NECAB1: variants seen among roughly 807,000 people sequenced by gnomAD.
The protein encoded by NECAB1 is N-terminal EF-hand calcium binding protein 1.
Under a neutral mutation model 57.5 loss-of-function variants are expected in NECAB1, and 29 were observed. The ratio of observed to expected loss-of-function variants is 0.50; its 90% CI spans 0.38 to 0.69. NECAB1 has a LOEUF of 0.69. Ranked by LOEUF, NECAB1 falls within the 30% of genes least tolerant of loss-of-function variation. The pLI, the probability that NECAB1 is intolerant of heterozygous loss-of-function variation, is 0.00. For synonymous variants in NECAB1, 142 were observed against 147.7 expected, an observed-to-expected ratio of 0.96 and a Z score of 0.28; for missense variants, 372 against 413.8, an observed-to-expected ratio of 0.90 and a Z score of 0.88.
chr8:90,886,887 T>C (rs1158497934), intron 5 of NECAB1, among the ~76,000 whole-genome samples: 2 of 152,212 alleles, frequency 1.3e-5, no homozygotes, highest in East Asian at 3.8e-4. Context: ...TTCAAGCTTA[T>C]TTTTATGTCT....
chr8:90,828,620 G>C (rs1812260044), intron 3 of NECAB1, among the ~76,000 whole-genome samples: 1 of 152,016 alleles, frequency 6.6e-6, no homozygotes, highest in South Asian at 2.1e-4. Context: ...CTGAGTAAAA[G>C]TAAGAGAAAT....
chr8:90,806,920 G>A (rs905677978), intron 2 of NECAB1, among the ~76,000 whole-genome samples: 1 of 152,094 alleles, frequency 6.6e-6, no homozygotes, highest in Non-Finnish European at 1.5e-5. Context: ...CTTTCTCCAG[G>A]TTACATTGTA....
chr8:90,848,218 A>G (rs2129766222), intron 3 of NECAB1, among the ~76,000 whole-genome samples: 1 of 152,366 alleles, frequency 6.6e-6, no homozygotes, highest in South Asian at 2.1e-4. Context: ...GCTAAAGCAT[A>G]ATAAGAGTCA....
At chr8:90,803,528 G>A (rs1325766366) in intron 2 of NECAB1, among the ~76,000 whole-genome samples, 4 of 152,104 alleles carry the variant, frequency 2.6e-5, no homozygotes, top group Admixed American at 1.3e-4. Flanking sequence ...AAAAAGCACT[G>A]AACAAAACAA....
intron 1 of NECAB1, among the ~76,000 whole-genome samples, chr8:90,792,636 C>G (rs1421940897): frequency 6.6e-6 from 1 of 152,094 alleles, no homozygotes; most frequent in Non-Finnish European, 1.5e-5. Flanking sequence ...GACTATTTTC[C>G]CTTTGGTCCA....
intron 5 of NECAB1, among the ~76,000 whole-genome samples, chr8:90,899,284 G>C (rs965131129): frequency 6.6e-6 from 1 of 152,124 alleles, no homozygotes; most frequent in African/African-American, 2.4e-5. Context: ...GTTTCTCTCT[G>C]TGGTCCCTTG....
At chr8:90,883,029 A>G (rs1808880439) in intron 5 of NECAB1, among the ~76,000 whole-genome samples, 1 of 152,196 alleles carries the variant, frequency 6.6e-6, no homozygotes, top group African/African-American at 2.4e-5. Context: ...GAAAAAAACA[A>G]GTTATATAAT....
At chr8:90,929,612 T>C (rs1025228838) in intron 8 of NECAB1, among the ~76,000 whole-genome samples, 13 of 152,150 alleles carry the variant, frequency 8.5e-5, no homozygotes, top group African/African-American at 2.9e-4. Flanking sequence ...TAGGGTTGCA[T>C]TGCTGGCCTC....
At chr8:90,844,706 A>T (rs1050590074) in intron 3 of NECAB1, among the ~76,000 whole-genome samples, 2 of 152,140 alleles carry the variant, frequency 1.3e-5, no homozygotes, top group African/African-American at 4.8e-5. Flanking sequence ...AGCTCTCTTC[A>T]CTTTCACTTT....
chr8:90,809,652 G>A (rs1421990001), intron 2 of NECAB1, among the ~76,000 whole-genome samples: 4 of 152,146 alleles, frequency 2.6e-5, no homozygotes, highest in Non-Finnish European at 5.9e-5. Flanking sequence ...GGATAATGAG[G>A]CTATTAACTT....
intron 1 of NECAB1, among the ~76,000 whole-genome samples, chr8:90,799,358 T>G (rs1036258135): frequency 6.6e-6 from 1 of 152,164 alleles, no homozygotes; most frequent in Non-Finnish European, 1.5e-5. Flanking sequence ...AACTTAGTTA[T>G]AACTTTTTTC....
chr8:90,955,817 A>C lies in NECAB1; in HGVS notation c.*305A>C, dbSNP rs928409882. Reference sequence around the variant, plus strand: ...AAAAAAGCATATGCATAAAGGAATAATATTGTGAAAATGAATCTGTTATGA... The same window carrying C: ...AAAAAAGCATATGCATAAAGGAATACTATTGTGAAAATGAATCTGTTATGA... On this transcript the variant is annotated 3_prime_UTR_variant, in exon 13 of 13. Transcript: ENST00000417640. 10 of 272,286 alleles carry C rather than the reference A, an allele frequency of 3.7e-5. No individual in the cohort carries two copies. Among genetic ancestry groups the C allele is most frequent in the Admixed American group, 1.1e-4 (2 of 18,664 alleles). 16.9% of individuals were successfully genotyped at this position (272,286 alleles called of 1,614,324 possible).
chr8:90,806,578 A>G (rs1171850257), intron 2 of NECAB1: 1 of 152,228 alleles, frequency 6.6e-6, no homozygotes, highest in Non-Finnish European at 1.5e-5. Context: ...CATTGTCTTC[A>G]ATCATTATGA....
rs551461206 is a variant in NECAB1 at position 90,801,810 on chromosome 8, A to G, written c.124+95A>G. 2.9e-5 allele frequency: 24 copies of G among 834,630 alleles called. No individual in the cohort carries two copies. The East Asian group carries it at 5.1e-4, about 18-fold the overall frequency. 51.7% of individuals were successfully genotyped at this position (834,630 alleles called of 1,614,324 possible). On this transcript the variant is annotated intron_variant, in intron 2 of 12. Transcript: ENST00000417640. ...CAGGAAAAAGGGGACAGTCCGGGAAAATTACATATAAAATACTACCTTATT... is the reference window on the plus strand; with the variant it reads ...CAGGAAAAAGGGGACAGTCCGGGAAGATTACATATAAAATACTACCTTATT...
At chr8:90,822,896 T>A (rs1812166909) in intron 2 of NECAB1, among the ~76,000 whole-genome samples, 1 of 151,498 alleles carries the variant, frequency 6.6e-6, no homozygotes, top group Admixed American at 6.6e-5. Flanking sequence ...CATGAAAAGG[T>A]CTTTCTTTTT....
intron 5 of NECAB1, among the ~76,000 whole-genome samples, chr8:90,896,608 A>AACAAAC (rs1809344386): frequency 1.3e-5 from 2 of 149,948 alleles, no homozygotes; most frequent in African/African-American, 2.4e-5. Context: ...CCGTCTCAAA[A>AACAAAC]AAAAACAAAA....
At chr8:90,871,348 A>G (rs1808618193) in intron 3 of NECAB1, among the ~76,000 whole-genome samples, 1 of 152,108 alleles carries the variant, frequency 6.6e-6, no homozygotes. Flanking sequence ...TTATGGTGTA[A>G]TAAGTTATAA....
chr8:90,943,086 A>G (rs1304569174), intron 10 of NECAB1, among the ~76,000 whole-genome samples: 1 of 152,152 alleles, frequency 6.6e-6, no homozygotes, highest in Non-Finnish European at 1.5e-5. Context: ...CAGAAACACT[A>G]CTTTAATGGG....
chr8:90,795,399 A>T (rs61163578), intron 1 of NECAB1, among the ~76,000 whole-genome samples: 19,617 of 152,098 alleles, frequency 0.13, 2,040 homozygotes, highest in African/African-American at 0.29. Flanking sequence ...AAAGAGGGAA[A>T]GAGGCTGGAA....
Sources: allele counts gnomAD v4.1 joint callset (sites outside exome capture counted in the v4.1 genomes callset), GRCh38; gene constraint gnomAD v4.1.1; transcripts MANE v1.5; gene names NCBI Gene and HGNC (gene_info 2026-07-23, HGNC 2026-07-21).